The following ENOX1 variants were observed in gnomAD, a reference collection of about 807,000 sequenced individuals.
The protein encoded by ENOX1 is ecto-NOX disulfide-thiol exchanger 1, also known as candidate growth-related and time keeping constitutive hydroquinone (NADH) oxidase.
ENOX1 carries 42 observed loss-of-function variants against 82.5 expected under a neutral mutation model. The observed-to-expected ratio is 0.51, with a 90% CI of 0.40 to 0.66. The LOEUF (loss-of-function observed/expected upper bound fraction) is 0.66, where lower values mean the gene tolerates loss of function less well. Ranked by LOEUF, ENOX1 falls within the 30% of genes least tolerant of loss-of-function variation. ENOX1 has a pLI of 0.00. For synonymous variants in ENOX1, 271 were observed against 282.2 expected, an observed-to-expected ratio of 0.96 and a Z score of 0.40; for missense variants, 608 against 811.6, an observed-to-expected ratio of 0.75 and a Z score of 3.05.
At chr13:43,496,929 T>C (rs1422169393) in intron 2 of ENOX1, among the ~76,000 whole-genome samples, 1 of 152,134 alleles carries the variant, frequency 6.6e-6, no homozygotes, top group Non-Finnish European at 1.5e-5. Context: ...TAATTCTGTA[T>C]AAATTTTAGA....
intron 1 of ENOX1, among the ~76,000 whole-genome samples, chr13:43,705,278 TCCATC>T (rs2087181932): frequency 6.7e-6 from 1 of 149,678 alleles, no homozygotes; most frequent in Non-Finnish European, 1.5e-5. Flanking sequence ...AGAGTGGGAC[TCCATC>T]TCAAAAAACA....
At chr13:43,423,306 G>T (rs1054923540) in intron 3 of ENOX1, among the ~76,000 whole-genome samples, 2 of 151,904 alleles carry the variant, frequency 1.3e-5, no homozygotes, top group African/African-American at 4.8e-5. Flanking sequence ...AGTGATCACC[G>T]CTAGACTTTG....
intron 1 of ENOX1, among the ~76,000 whole-genome samples, chr13:43,672,896 G>C (rs1230041490): frequency 1.3e-5 from 2 of 152,058 alleles, no homozygotes; most frequent in Non-Finnish European, 2.9e-5. Flanking sequence ...CAGTTCTACA[G>C]CTATGTTTTT....
chr13:43,772,852 C>T (rs9533612), intron 1 of ENOX1, among the ~76,000 whole-genome samples: 14,044 of 151,694 alleles, frequency 0.093, 1,076 homozygotes, highest in African/African-American at 0.21. Context: ...CTATCTTCAG[C>T]GTTCTGCATC....
intron 3 of ENOX1, among the ~76,000 whole-genome samples, chr13:43,476,866 A>G (rs1300407906): frequency 6.6e-6 from 1 of 152,142 alleles, no homozygotes; most frequent in African/African-American, 2.4e-5. Context: ...AGCATCATAC[A>G]GTCACCTCAT....
intron 1 of ENOX1, among the ~76,000 whole-genome samples, chr13:43,677,001 C>T (rs2085542161): frequency 6.6e-6 from 1 of 151,016 alleles, no homozygotes. Flanking sequence ...GTGGGTCACC[C>T]TCTGAAACTG....
At chr13:43,514,236 A>C (rs2077476949) in intron 2 of ENOX1, among the ~76,000 whole-genome samples, 1 of 152,170 alleles carries the variant, frequency 6.6e-6, no homozygotes, top group South Asian at 2.1e-4. Flanking sequence ...TGTAATTGAG[A>C]GTTTTTTGTT....
chr13:43,350,341 T>C (rs2049692082), intron 8 of ENOX1, among the ~76,000 whole-genome samples: 1 of 152,228 alleles, frequency 6.6e-6, no homozygotes, highest in Admixed American at 6.5e-5. Flanking sequence ...GCTACAGTCA[T>C]ATCTGAAAGT....
In ENOX1 at chr13:43,223,030, A is replaced by T. The variant is rs2041867949; in HGVS notation, c.1800+1023T>A. On this transcript the variant is annotated intron_variant, in intron 16 of 16. Transcript: ENST00000690772. ...AGGGGAAGTGTTAGATCCATTTAAG[A>T]GGTTAAACAGTTTTGGGATCATGTA... Among the ~76,000 whole-genome samples, 4 of 152,320 alleles carry T rather than the reference A, an allele frequency of 2.6e-5. No homozygotes were observed. In the South Asian group the frequency reaches 8.3e-4, roughly 32 times the overall value.
chr13:43,337,410 G>A lies in ENOX1; in HGVS notation c.1036+7128C>T, dbSNP rs1287449028. Among the ~76,000 whole-genome samples, 8 of 152,116 alleles carry A rather than the reference G, an allele frequency of 5.3e-5. 1 individual carries two copies. Among genetic ancestry groups the A allele is most frequent in the Admixed American group, 5.2e-4 (8 of 15,274 alleles). On this transcript the variant is annotated intron_variant, in intron 9 of 16. Transcript: ENST00000690772. ...TGCACATAAAATAATTAGAAAATAA[G>A]TAAGTCCTCAAGTAGATAGTATTAA...
At chr13:43,417,937 G>A (rs564591076) in intron 3 of ENOX1, among the ~76,000 whole-genome samples, 49 of 152,262 alleles carry the variant, frequency 3.2e-4, no homozygotes, top group Non-Finnish European at 3.5e-4. Flanking sequence ...GGCCAGGTGC[G>A]GTGACTCACA....
chr13:43,656,168 A>G (rs1441336359), intron 2 of ENOX1, among the ~76,000 whole-genome samples: 1 of 152,204 alleles, frequency 6.6e-6, no homozygotes, highest in African/African-American at 2.4e-5. Flanking sequence ...CATGTTACAT[A>G]TAGTTATGGA....
chr13:43,551,771 A>G (rs2079204996), intron 2 of ENOX1, among the ~76,000 whole-genome samples: 1 of 152,230 alleles, frequency 6.6e-6, no homozygotes, highest in African/African-American at 2.4e-5. Flanking sequence ...ACACTCAGCC[A>G]GTGCAGGAGA....
At chr13:43,564,281 TAC>T (rs1363445431) in intron 2 of ENOX1, among the ~76,000 whole-genome samples, 1 of 152,116 alleles carries the variant, frequency 6.6e-6, no homozygotes, top group African/African-American at 2.4e-5. Flanking sequence ...CAAAGCATTC[TAC>T]AGAGTCAATA....
intron 3 of ENOX1, among the ~76,000 whole-genome samples, chr13:43,419,187 AGGGTAGAGATCAGCTAGGT>A (rs1343409234): frequency 6.6e-6 from 1 of 152,140 alleles, no homozygotes; most frequent in Non-Finnish European, 1.5e-5. Flanking sequence ...CTGTTAAAGG[AGGGTAGAGATCAGCTAGGT>A]ATTGAAAAAT....
chr13:43,527,732 A>C (rs573086963), intron 2 of ENOX1, among the ~76,000 whole-genome samples: 1 of 152,280 alleles, frequency 6.6e-6, no homozygotes, highest in East Asian at 1.9e-4. Context: ...AAAGGAATAA[A>C]AGTGAGCCAG....
intron 3 of ENOX1, among the ~76,000 whole-genome samples, chr13:43,439,774 G>T (rs1020617404): frequency 3.3e-5 from 5 of 151,888 alleles, no homozygotes; most frequent in African/African-American, 1.2e-4. Flanking sequence ...TGTTTCTTTT[G>T]TTCACTATCG....
chr13:43,662,245 G>A (rs142990891), intron 2 of ENOX1, among the ~76,000 whole-genome samples: 27 of 152,090 alleles, frequency 1.8e-4, no homozygotes, highest in Admixed American at 6.6e-4. Context: ...ATAGGATTAC[G>A]GTCTTTTGAG....
At chr13:43,318,299 T>C (rs2047625109) in intron 11 of ENOX1, among the ~76,000 whole-genome samples, 1 of 152,222 alleles carries the variant, frequency 6.6e-6, no homozygotes, top group Admixed American at 6.5e-5. Context: ...TTTTGGTTTA[T>C]AATAAATTTA....
Sources: gnomAD v4.1 joint callset for allele counts (sites outside exome capture counted in the v4.1 genomes callset) on GRCh38, gnomAD v4.1.1 for gene constraint, MANE v1.5 for transcripts, NCBI Gene and HGNC (gene_info 2026-07-23, HGNC 2026-07-21) for gene names.